The following LMO7 variants were observed in gnomAD, a reference collection of about 807,000 sequenced individuals.
LMO7 encodes LIM domain only protein 7.
In LMO7, 120 loss-of-function variants were observed where a neutral mutation model predicts 206.5. The ratio of observed to expected loss-of-function variants is 0.58; its 90% CI spans 0.50 to 0.68. The LOEUF (loss-of-function observed/expected upper bound fraction) is 0.68, where lower values mean the gene tolerates loss of function less well. LMO7 is among the 30% of genes least tolerant of loss of function. The pLI, the probability that LMO7 is intolerant of heterozygous loss-of-function variation, is 0.00. For missense variants in LMO7, 1,959 were observed against 1,957.9 expected (o/e 1.00, Z -0.01); for synonymous variants, 706 against 681.5 (o/e 1.04, Z -0.56).
chr13:75,785,373 T>C (rs2052257225), intron 4 of LMO7, among the ~76,000 whole-genome samples: 1 of 152,150 alleles, frequency 6.6e-6, no homozygotes, highest in Admixed American at 6.5e-5. Context: ...AGTTGCAGTT[T>C]CCTAATGTCA....
At chr13:75,853,017 G>T (rs1335212636) in intron 27 of LMO7, 75 bp from the exon 28 acceptor site, 2 of 1,233,024 alleles carry the variant, frequency 1.6e-6, no homozygotes, top group Non-Finnish European at 2.3e-6. Context: ...GATTTTTAAT[G>T]AATGGAATGA....
chr13:75,778,569 G>T (rs567601044), intron 4 of LMO7, among the ~76,000 whole-genome samples: 1 of 152,344 alleles, frequency 6.6e-6, no homozygotes, highest in Non-Finnish European at 1.5e-5. Context: ...TTAAGCAGAT[G>T]TAAGCACCGT....
chr13:75,807,900 C>T lies in LMO7; in HGVS notation c.1617C>T (p.His539=), dbSNP rs200243557. ...TGTCTGGGGCCCCAGATAGATACCA[C>T]CCAGTCCCTTTTCCCGAACCCTGGA... is the stretch of plus-strand genomic sequence containing the variant. ...VPLSGAPDRY[H]PVPFPEPWTL... The change falls in exon 10 of 31, where the codon CAC becomes CAT. Residue 539 remains histidine (H), a synonymous_variant. Transcript: ENST00000377534. 1.5e-3 allele frequency: 2,463 copies of T among 1,613,946 alleles called. 5 individuals carry two copies. The highest frequency in any genetic ancestry group is 2.0e-3 in the Non-Finnish European group (2,306 of 1,179,862).
chr13:75,716,465 C>T (rs1197164162), intron 2 of LMO7, among the ~76,000 whole-genome samples: 1 of 152,056 alleles, frequency 6.6e-6, no homozygotes, highest in Non-Finnish European at 1.5e-5. Context: ...GTTGGGATTT[C>T]ATCAAGGAAT....
intron 4 of LMO7, among the ~76,000 whole-genome samples, chr13:75,789,337 TTA>T (rs2052920228): frequency 6.6e-6 from 1 of 151,810 alleles, no homozygotes; most frequent in African/African-American, 2.4e-5. Context: ...TCCTAGGAGG[TTA>T]TGTTATTTAG....
rs527521150 is a variant in LMO7, at chr13:75,835,371, G to A, written c.3333+32G>A. 6.4e-6 allele frequency: 9 copies of A among 1,415,502 alleles called. No individual in the cohort carries two copies. In the Admixed American group the frequency reaches 1.4e-4, roughly 23 times the overall value. The allele number at this position is 1,415,502 out of a possible 1,614,324, so 87.7% of individuals were successfully genotyped here. On this transcript the variant is annotated intron_variant, in intron 18 of 30. Coordinates refer to ENST00000377534, the MANE Select transcript of LMO7 (RefSeq NM_001306080.2). ...ATTTGGAGAAGTAGGAAGTACTGGT[G>A]TGGAGTAAAGCAGCTGTTAGAATTG...
chr13:75,711,816 C>G (rs895985467), intron 1 of LMO7, among the ~76,000 whole-genome samples: 1 of 152,192 alleles, frequency 6.6e-6, no homozygotes, highest in African/African-American at 2.4e-5. Context: ...GCCTTCAAAA[C>G]GTGTTTTTTC....
At chr13:75,713,297 TG>T in intron 2 of LMO7, 45 bp downstream of exon 2, 2 of 530,854 alleles carry the variant, frequency 3.8e-6, no homozygotes, top group Non-Finnish European at 5.1e-6. Flanking sequence ...AGCAAAGATA[TG>T]TGTGTGTGTG....
At chr13:75,800,620 C>T in intron 6 of LMO7, 64 bp from the exon 7 acceptor site, 1 of 1,444,510 alleles carries the variant, frequency 6.9e-7, no homozygotes, top group Non-Finnish European at 9.7e-7. Flanking sequence ...CAAGTAATAA[C>T]CGATTGATTA....
chr13:75,675,921 A>T (rs931913633), intron 1 of LMO7, among the ~76,000 whole-genome samples: 53 of 151,332 alleles, frequency 3.5e-4, no homozygotes, highest in African/African-American at 1.2e-3. Flanking sequence ...CACACACGTC[A>T]TATACACGAT....
chr13:75,848,154 G>A (rs1343936160), intron 26 of LMO7, among the ~76,000 whole-genome samples: 1 of 152,038 alleles, frequency 6.6e-6, no homozygotes, highest in African/African-American at 2.4e-5. Context: ...AGATTTTGGT[G>A]CACCCATCTC....
At position 75,800,849 on chromosome 13, in the gene LMO7, T is replaced by C. The variant is rs369370057; in HGVS notation, c.628T>C (p.Ser210Pro). 4 of 1,613,874 alleles carry C rather than the reference T, an allele frequency of 2.5e-6. No individual in the cohort carries two copies. Among genetic ancestry groups the C allele is most frequent in the Non-Finnish European group, 2.5e-6 (3 of 1,179,858 alleles). Residue 210 changes from serine to proline, a missense_variant, in exon 7 of 31, where the codon TCC (serine) becomes CCC (proline). Physicochemically the swap from Ser to Pro is moderately conservative, Grantham distance 74 (BLOSUM62 -1). Transcript: ENST00000377534. Reference protein sequence around the residue: ...SLGSRSLTSCSSDITLRGGRE... With the variant: ...SLGSRSLTSCPSDITLRGGRE... Reference sequence around the variant, plus strand: ...GGGCTCGAGGTCATTGACAAGCTGCTCCTCTGATATCACGTTGAGAGGGGG... The same window carrying C: ...GGGCTCGAGGTCATTGACAAGCTGCCCCTCTGATATCACGTTGAGAGGGGG...
intron 4 of LMO7, among the ~76,000 whole-genome samples, chr13:75,770,974 C>A (rs1360087681): frequency 6.6e-6 from 1 of 152,040 alleles, no homozygotes; most frequent in Non-Finnish European, 1.5e-5. Context: ...CAAACTTATA[C>A]AGACTTTAAA....
intron 1 of LMO7, among the ~76,000 whole-genome samples, chr13:75,695,073 A>G (rs929838872): frequency 1.3e-5 from 2 of 152,164 alleles, no homozygotes; most frequent in Non-Finnish European, 2.9e-5. Context: ...CTCAACATTC[A>G]GGCAAGGATC....
intron 6 of LMO7, among the ~76,000 whole-genome samples, 154 bp from the exon 7 acceptor site, chr13:75,800,530 A>G (rs553519965): frequency 4.1e-4 from 63 of 152,182 alleles, no homozygotes; most frequent in Non-Finnish European, 8.5e-4. Context: ...TCTGTTTTTC[A>G]TCAGCTTTTT....
intron 14 of LMO7, among the ~76,000 whole-genome samples, chr13:75,822,651 G>C (rs1291676150): frequency 6.6e-6 from 1 of 151,250 alleles, no homozygotes; most frequent in African/African-American, 2.4e-5. Flanking sequence ...ACCCATCAGA[G>C]TGAAATAGAC....
chr13:75,839,745 C>A, intron 20 of LMO7: 7 of 137,322 alleles, frequency 5.1e-5, no homozygotes, highest in Non-Finnish European at 5.8e-5. Flanking sequence ...TTTTTTTTTT[C>A]CTGTTAGGCC....
intron 4 of LMO7, among the ~76,000 whole-genome samples, chr13:75,779,968 G>A (rs9593126): frequency 0.01 from 1,565 of 152,228 alleles, 27 homozygotes; most frequent in East Asian, 0.069. Flanking sequence ...GTTCCGTGAT[G>A]CCCCCTGAGC....
chr13:75,673,339 G>C (rs962361014), intron 1 of LMO7, among the ~76,000 whole-genome samples: 2 of 152,122 alleles, frequency 1.3e-5, no homozygotes, highest in East Asian at 3.9e-4. Flanking sequence ...TGTCTTCCCA[G>C]ACACCCTTGC....
Sources: allele counts gnomAD v4.1 joint callset (sites outside exome capture counted in the v4.1 genomes callset), GRCh38; gene constraint gnomAD v4.1.1; transcripts MANE v1.5; gene names NCBI Gene and HGNC (gene_info 2026-07-23, HGNC 2026-07-21).